The following TENM2 variants were observed in gnomAD, a reference collection of about 807,000 sequenced individuals.
TENM2 encodes teneurin-2.
Under a neutral mutation model 245.2 loss-of-function variants are expected in TENM2, and 52 were observed. The ratio of observed to expected loss-of-function variants is 0.21; its 90% CI spans 0.17 to 0.27. The LOEUF (loss-of-function observed/expected upper bound fraction) is 0.27. Among genes scored for constraint, TENM2 ranks in the 10% least tolerant of loss-of-function variants. The pLI, the probability that TENM2 is intolerant of heterozygous loss-of-function variation, is 1.00. For missense variants in TENM2, 3,046 were observed against 3,666.8 expected (o/e 0.83, Z 4.37); for synonymous variants, 1,363 against 1,438.9 (o/e 0.95, Z 1.19).
intron 2 of TENM2, among the ~76,000 whole-genome samples, chr5:167,831,862 G>T (rs1768525016): frequency 6.6e-6 from 1 of 152,100 alleles, no homozygotes; most frequent in South Asian, 2.1e-4. Context: ...CAGTGAAAAT[G>T]ATGGTCCTGT....
chr5:168,218,352 C>T lies in TENM2; in HGVS notation c.4461C>T (p.Val1487=). ...CCATTGCCATTTCTCACACTGGGGT[C>T]CTCTACATCACTGAGACAGATGAGA... Residue 1487 remains valine, a synonymous_variant, in exon 23 of 29, where the codon GTC becomes GTT. Transcript: ENST00000518659. This position sits in a 1 kb window ranked among gnomAD's most constrained non-coding sequence, Gnocchi z 5.2. The T allele has an allele frequency of 6.2e-7, 1 of 1,614,030 alleles. No homozygotes were observed. Among genetic ancestry groups the T allele is most frequent in the Non-Finnish European group, 8.5e-7 (1 of 1,179,904 alleles).
At chr5:167,945,105 C>T (rs1223758361) in intron 3 of TENM2, among the ~76,000 whole-genome samples, 6 of 152,128 alleles carry the variant, frequency 3.9e-5, no homozygotes, top group African/African-American at 1.2e-4. Flanking sequence ...ATATAACTCC[C>T]AGGGACATGA....
At position 167,692,001 on chromosome 5, in the gene TENM2, T is replaced by C. The variant is rs565237973; in HGVS notation, c.503-183985T>C. ...TTTGCGGGAGAGGAGTACCTCCTTC[T>C]TGACCCTCTGCCTTGCTACCAAACC... On this transcript the variant is annotated intron_variant, in intron 2 of 28. Transcript: ENST00000518659. 7.2e-5 allele frequency among the ~76,000 whole-genome samples: 11 copies of C among 152,262 alleles called. No homozygotes were observed. The South Asian group carries it at 1.7e-3, about 23-fold the overall frequency.
chr5:167,371,411 G>A (rs1760427570), intron 1 of TENM2, among the ~76,000 whole-genome samples: 1 of 149,696 alleles, frequency 6.7e-6, no homozygotes, highest in Non-Finnish European at 1.5e-5. Flanking sequence ...GCTCAGGCTG[G>A]AGTACAATGG....
chr5:167,407,525 G>GA (rs964164710), intron 2 of TENM2, among the ~76,000 whole-genome samples: 6 of 151,152 alleles, frequency 4.0e-5, no homozygotes, highest in Middle Eastern at 3.4e-3. Flanking sequence ...ATCTTTTGTA[G>GA]AAAAAAAAAT....
At chr5:167,757,399 T>C (rs1762378751) in intron 2 of TENM2, among the ~76,000 whole-genome samples, 1 of 152,206 alleles carries the variant, frequency 6.6e-6, no homozygotes, top group African/African-American at 2.4e-5. Context: ...GCTACATCCA[T>C]GTCCCTGCAA....
At chr5:168,150,610 C>T (rs374780106) in intron 12 of TENM2, among the ~76,000 whole-genome samples, 2 of 152,234 alleles carry the variant, frequency 1.3e-5, no homozygotes, top group East Asian at 3.8e-4. Context: ...CAGTAATTCA[C>T]AGTGAGGAAA....
At chr5:168,043,590 G>T (rs933713728) in intron 5 of TENM2, among the ~76,000 whole-genome samples, 9 of 152,208 alleles carry the variant, frequency 5.9e-5, no homozygotes, top group African/African-American at 2.2e-4. Flanking sequence ...GTATAAAAAT[G>T]CCATTTCCTA....
At chr5:167,344,123 TTA>T (rs979296574) in intron 1 of TENM2, among the ~76,000 whole-genome samples, 1 of 149,012 alleles carries the variant, frequency 6.7e-6, no homozygotes, top group African/African-American at 2.4e-5. Flanking sequence ...TATATATCAG[TTA>T]TATATATTAT....
intron 3 of TENM2, among the ~76,000 whole-genome samples, chr5:167,904,839 A>G (rs1372482292): frequency 6.6e-6 from 1 of 152,140 alleles, no homozygotes; most frequent in Non-Finnish European, 1.5e-5. Context: ...AAAATGCCTC[A>G]TCTCAGAAAC....
the TENM2 span, among the ~76,000 whole-genome samples, chr5:167,128,040 A>G: frequency 6.6e-6 from 1 of 152,276 alleles, no homozygotes. Context: ...GTTCCAGTGT[A>G]TGATGCTGAG....
chr5:167,840,213 T>C (rs1009420724), intron 2 of TENM2, among the ~76,000 whole-genome samples: 7 of 152,214 alleles, frequency 4.6e-5, no homozygotes, highest in African/African-American at 1.7e-4. Context: ...TCTGAGGGTC[T>C]GATTATAGAG....
At chr5:167,447,767 C>T (rs906176313) in intron 2 of TENM2, among the ~76,000 whole-genome samples, 1 of 152,142 alleles carries the variant, frequency 6.6e-6, no homozygotes, top group Non-Finnish European at 1.5e-5. Flanking sequence ...ATGTAGAATA[C>T]CAGAAAAGAT....
At chr5:167,970,293 C>T (rs1310198612) in intron 4 of TENM2, among the ~76,000 whole-genome samples, 2 of 152,232 alleles carry the variant, frequency 1.3e-5, no homozygotes, top group Non-Finnish European at 2.9e-5. Flanking sequence ...TTCACTGTGG[C>T]CACTTAATGC....
chr5:168,208,295 T>A (rs1762528841), intron 19 of TENM2, among the ~76,000 whole-genome samples: 1 of 152,218 alleles, frequency 6.6e-6, no homozygotes, highest in Admixed American at 6.5e-5. Context: ...TTTTTAAACA[T>A]AAAATAATAT....
chr5:167,223,112 T>G, the TENM2 span, among the ~76,000 whole-genome samples: 1 of 152,132 alleles, frequency 6.6e-6, no homozygotes. Flanking sequence ...GCAAAAAATG[T>G]GTAATGATCA....
chr5:167,005,271 A>T, the TENM2 span, among the ~76,000 whole-genome samples: 1 of 152,206 alleles, frequency 6.6e-6, no homozygotes, highest in African/African-American at 2.4e-5. Context: ...GGTAGACAAC[A>T]TCTAAAAAAT....
At chr5:167,743,804 A>G (rs1327489025) in intron 2 of TENM2, among the ~76,000 whole-genome samples, 1 of 152,204 alleles carries the variant, frequency 6.6e-6, no homozygotes, top group African/African-American at 2.4e-5. Flanking sequence ...AAGAAGAAAA[A>G]GTAGATCTTT....
chr5:167,582,550 G>A (rs1287914112), intron 2 of TENM2, among the ~76,000 whole-genome samples: 3 of 152,054 alleles, frequency 2.0e-5, no homozygotes, highest in Non-Finnish European at 4.4e-5. Flanking sequence ...GATGATAGTC[G>A]ACTAATGACA....
Sources: gnomAD v4.1 joint callset for allele counts (sites outside exome capture counted in the v4.1 genomes callset) on GRCh38, gnomAD v4.1.1 for gene constraint, Gnocchi (gnomAD v3.1) non-coding constraint, MANE v1.5 for transcripts, NCBI Gene and HGNC (gene_info 2026-07-23, HGNC 2026-07-21) for gene names.